The following MTHFSD variants were observed in gnomAD, a reference collection of about 807,000 sequenced individuals.
MTHFSD encodes the protein methenyltetrahydrofolate synthase domain-containing protein.
MTHFSD carries 37 observed loss-of-function variants against 31.1 expected under a neutral mutation model. The observed-to-expected ratio is 1.19, with a 90% CI of 0.91 to 1.56. The LOEUF (loss-of-function observed/expected upper bound fraction) is 1.56. Among genes scored for constraint, MTHFSD ranks in the 40% most tolerant of loss-of-function variants. The pLI is 0.00. For synonymous variants in MTHFSD, 221 were observed against 206.9 expected, an observed-to-expected ratio of 1.07 and a Z score of -0.59; for missense variants, 664 against 510.1, an observed-to-expected ratio of 1.30 and a Z score of -2.91.
intron 7 of MTHFSD, among the ~76,000 whole-genome samples, chr16:86,540,290 G>A (rs1971309674): frequency 6.6e-6 from 1 of 152,204 alleles, no homozygotes; most frequent in Non-Finnish European, 1.5e-5. Flanking sequence ...CTGGAAGAGG[G>A]TCTCGACAAA....
chr16:86,548,352 G>T, intron 4 of MTHFSD, 112 bp downstream of exon 4: 1 of 978,612 alleles, frequency 1.0e-6, no homozygotes, highest in Non-Finnish European at 1.6e-6. Flanking sequence ...CTGTTCTTTT[G>T]GCTCTGTTAA....
At chr16:86,545,799 C>G (rs556608446) in intron 5 of MTHFSD, among the ~76,000 whole-genome samples, 2 of 152,246 alleles carry the variant, frequency 1.3e-5, no homozygotes, top group Non-Finnish European at 2.9e-5. Flanking sequence ...GCCTGGCACA[C>G]AGCAGGTGTA....
chr16:86,554,166 C>G (rs978681919), intron 2 of MTHFSD, among the ~76,000 whole-genome samples: 5 of 152,172 alleles, frequency 3.3e-5, no homozygotes, highest in African/African-American at 9.7e-5. Flanking sequence ...ATAAATCTTG[C>G]TGCTGCTCAT....
At chr16:86,543,515 G>A (rs1046777014) in intron 5 of MTHFSD, among the ~76,000 whole-genome samples, 2 of 152,182 alleles carry the variant, frequency 1.3e-5, no homozygotes, top group Non-Finnish European at 2.9e-5. Context: ...ATCCATCGGC[G>A]GGGGTGGGCT....
chr16:86,545,314 T>C (rs1392301513), intron 5 of MTHFSD, among the ~76,000 whole-genome samples: 1 of 152,188 alleles, frequency 6.6e-6, no homozygotes, highest in Non-Finnish European at 1.5e-5. Context: ...AGACTTATGG[T>C]GCAGCTTTCT....
intron 4 of MTHFSD, chr16:86,548,006 T>G: frequency 7.8e-7 from 1 of 1,278,960 alleles, no homozygotes; most frequent in Non-Finnish European, 1.0e-6. Flanking sequence ...AAGAAAATCT[T>G]AAATATGTAA....
intron 7 of MTHFSD, chr16:86,541,159 CCTA>C: frequency 7.8e-7 from 1 of 1,289,034 alleles, no homozygotes; most frequent in Non-Finnish European, 1.0e-6. Context: ...GGGTCAAACT[CCTA>C]CTGCAGACTA....
At chr16:86,535,522 T>G (rs1481904308) in intron 7 of MTHFSD, 1 of 985,256 alleles carries the variant, frequency 1.0e-6, no homozygotes, top group African/African-American at 1.7e-5. Flanking sequence ...CAATCTGGCA[T>G]GTGAAGTGAA....
chr16:86,537,536 C>A (rs533072347), intron 7 of MTHFSD, among the ~76,000 whole-genome samples: 5 of 152,238 alleles, frequency 3.3e-5, no homozygotes, highest in Non-Finnish European at 7.4e-5. Context: ...TACAGTAATT[C>A]TTTTTCAATG....
intron 7 of MTHFSD, chr16:86,541,244 A>G (rs1232158801): frequency 7.8e-7 from 1 of 1,286,144 alleles, no homozygotes; most frequent in Admixed American, 2.3e-5. Context: ...AAGGCTTGGT[A>G]CTGCCTCCTA....
intron 7 of MTHFSD, among the ~76,000 whole-genome samples, chr16:86,538,529 G>A (rs957255593): frequency 6.6e-6 from 1 of 152,234 alleles, no homozygotes; most frequent in Non-Finnish European, 1.5e-5. Context: ...GCACTGGTCA[G>A]TGGCCAGGGC....
chr16:86,539,556 G>C (rs1048297324), intron 7 of MTHFSD, among the ~76,000 whole-genome samples: 1 of 152,172 alleles, frequency 6.6e-6, no homozygotes, highest in Non-Finnish European at 1.5e-5. Context: ...CTATGAAGTG[G>C]GAAACTCTTG....
chr16:86,537,284 G>T (rs1970837786), intron 7 of MTHFSD, among the ~76,000 whole-genome samples: 1 of 152,078 alleles, frequency 6.6e-6, no homozygotes, highest in South Asian at 2.1e-4. Flanking sequence ...TTTAACATGA[G>T]CAGAATATGA....
chr16:86,545,153 T>C (rs1035212365), intron 5 of MTHFSD, among the ~76,000 whole-genome samples: 6 of 152,080 alleles, frequency 3.9e-5, no homozygotes, highest in Admixed American at 1.3e-4. Flanking sequence ...CAAATCACCA[T>C]GGAACACGTT....
In MTHFSD at chr16:86,542,303, T is replaced by G. The variant is rs1971641576; in HGVS notation, c.443-90A>C. On this transcript the variant is annotated intron_variant, in intron 5 of 7. Coordinates refer to ENST00000360900, the MANE Select transcript of MTHFSD (RefSeq NM_001159377.2). The surrounding 1 kb of genome is among the most constrained non-coding windows in gnomAD (Gnocchi z 4.6). ...CATCAGGTCCAGTGGAAGAAGAAACTTGAACCCAATATCCCGAGCTAATCT... is the reference window on the plus strand; with the variant it reads ...CATCAGGTCCAGTGGAAGAAGAAACGTGAACCCAATATCCCGAGCTAATCT... 1 of 1,078,264 alleles carries G rather than the reference T, an allele frequency of 9.3e-7. No homozygotes were observed. Among genetic ancestry groups the G allele is most frequent in the Non-Finnish European group, 1.3e-6 (1 of 741,652 alleles). The allele number at this position is 1,078,264 out of a possible 1,614,324, so 66.8% of individuals were successfully genotyped here.
In MTHFSD at chr16:86,530,472, G is replaced by A. The variant is rs1302187925; in HGVS notation, c.*1539C>T. On this transcript the variant is annotated 3_prime_UTR_variant, in exon 8 of 8. Transcript: ENST00000360900. ...CTTCTCCCTCTCCCGGCCCCAGTGGGTCTATTCCCCGAAGTCCTTGCTCCT... is the reference window on the plus strand; with the variant it reads ...CTTCTCCCTCTCCCGGCCCCAGTGGATCTATTCCCCGAAGTCCTTGCTCCT... The A allele has an allele frequency of 6.6e-6, 1 of 152,200 alleles. No homozygotes were observed. The highest frequency in any genetic ancestry group is 2.4e-5 in the African/African-American group (1 of 41,432). The allele number at this position is 152,200 out of a possible 1,614,324, so 9.4% of individuals were successfully genotyped here. A position where few individuals can be genotyped will look rare whatever the true frequency, so the allele number is the denominator to read the frequency against.
chr16:86,548,591 G>A lies in MTHFSD; in HGVS notation c.238-14C>T, dbSNP rs201112498. ...TGTTTTTTTGCTCTTTTAAAGAAAAGACAATCAATAAATTACAAAATCAAA... is the reference window on the plus strand; with the variant it reads ...TGTTTTTTTGCTCTTTTAAAGAAAAAACAATCAATAAATTACAAAATCAAA... On this transcript the variant is annotated splice_polypyrimidine_tract_variant and intron_variant, in intron 3 of 7. Transcript: ENST00000360900. 6.9e-6 allele frequency: 11 copies of A among 1,583,018 alleles called. No homozygotes were observed. In the African/African-American group the frequency reaches 1.1e-4, roughly 16 times the overall value.
chr16:86,541,307 ATCTGG>A, intron 7 of MTHFSD: 37 of 1,005,406 alleles, frequency 3.7e-5, no homozygotes, highest in Non-Finnish European at 4.3e-5. Context: ...AAAAAAAAAA[ATCTGG>A]ATTTAAAAAG....
intron 2 of MTHFSD, among the ~76,000 whole-genome samples, chr16:86,554,059 G>A (rs1402518481): frequency 6.6e-6 from 1 of 152,146 alleles, no homozygotes; most frequent in African/African-American, 2.4e-5. Flanking sequence ...GCAGGATGTG[G>A]GTGGGGCCAG....
Sources: gnomAD v4.1 joint callset for allele counts (sites outside exome capture counted in the v4.1 genomes callset) on GRCh38, gnomAD v4.1.1 for gene constraint, Gnocchi (gnomAD v3.1) non-coding constraint, MANE v1.5 for transcripts, NCBI Gene and HGNC (gene_info 2026-07-23, HGNC 2026-07-21) for gene names.